The following NAV2 variants were observed in gnomAD, a reference collection of about 807,000 sequenced individuals.
The protein encoded by NAV2 is helicase, APC down-regulated 1.
In NAV2, 54 loss-of-function variants were observed where a neutral mutation model predicts 223.2. The ratio of observed to expected loss-of-function variants is 0.24; its 90% CI spans 0.19 to 0.30. The LOEUF is 0.30. Ranked by LOEUF, NAV2 falls within the 10% of genes least tolerant of loss-of-function variation. The pLI is 1.00. For missense variants in NAV2, 2,806 were observed against 3,147.5 expected (o/e 0.89, Z 2.60); for synonymous variants, 1,279 against 1,239.3 (o/e 1.03, Z -0.67).
intron 3 of NAV2, among the ~76,000 whole-genome samples, chr11:19,855,054 G>T (rs2061342904): frequency 6.6e-6 from 1 of 152,052 alleles, no homozygotes; most frequent in Admixed American, 6.6e-5. Context: ...ATGTTTAATA[G>T]CTGCGGCTTA....
At chr11:19,800,384 A>T (rs2058170074) in intron 1 of NAV2, among the ~76,000 whole-genome samples, 1 of 152,216 alleles carries the variant, frequency 6.6e-6, no homozygotes, top group Non-Finnish European at 1.5e-5. Flanking sequence ...TCCTGGGAAC[A>T]TGTATGGGCT....
chr11:19,821,949 C>T (rs542116677), intron 1 of NAV2, among the ~76,000 whole-genome samples: 3 of 152,330 alleles, frequency 2.0e-5, no homozygotes, highest in South Asian at 2.1e-4. Context: ...TCAAACCCCG[C>T]GTACTTGTCA....
At chr11:19,978,225 C>A (rs1201636025) in intron 10 of NAV2, among the ~76,000 whole-genome samples, 2 of 152,038 alleles carry the variant, frequency 1.3e-5, no homozygotes, top group Non-Finnish European at 2.9e-5. Flanking sequence ...TCTGTCTTCT[C>A]AGAGGCCCTA....
chr11:19,617,627 A>G (rs1480251403), intron 1 of NAV2, among the ~76,000 whole-genome samples: 2 of 152,222 alleles, frequency 1.3e-5, no homozygotes, highest in East Asian at 3.8e-4. Flanking sequence ...TAAGAAGTGC[A>G]TGGTAAAGTG....
intron 1 of NAV2, among the ~76,000 whole-genome samples, chr11:19,752,582 A>G (rs1449928715): frequency 6.6e-6 from 1 of 152,104 alleles, no homozygotes; most frequent in African/African-American, 2.4e-5. Flanking sequence ...TTTGTGACCC[A>G]TATTTTTAAA....
chr11:19,542,211 G>A (rs1004964518), intron 1 of NAV2, among the ~76,000 whole-genome samples: 1 of 152,158 alleles, frequency 6.6e-6, no homozygotes, highest in Non-Finnish European at 1.5e-5. Context: ...TGGCAAGTTT[G>A]ATCCCATATG....
intron 1 of NAV2, among the ~76,000 whole-genome samples, chr11:19,399,420 T>C (rs1045677545): frequency 1.1e-4 from 17 of 152,330 alleles, no homozygotes; most frequent in Non-Finnish European, 1.9e-4. Context: ...ACTCCTTAGC[T>C]GTCATATTTT....
In NAV2 at chr11:19,431,392, G is replaced by T. The variant is rs74440795; in HGVS notation, c.75+80365G>T. Among the ~76,000 whole-genome samples, 260 of 152,340 alleles carry T rather than the reference G, an allele frequency of 1.7e-3. 1 individual carries two copies. The highest frequency in any genetic ancestry group is 5.9e-3 in the African/African-American group (245 of 41,570). ...TGTGCCGCAGGAGGAGGTCCTGGGG[G>T]TGGGCAAGCATGCTATGCTGAGAAA... is the stretch of plus-strand genomic sequence containing the variant. On this transcript the variant is annotated intron_variant, in intron 1 of 37. Coordinates refer to the NAV2 transcript ENST00000360655.
At chr11:19,987,996 A>G (rs1276531363) in intron 11 of NAV2, among the ~76,000 whole-genome samples, 4 of 152,242 alleles carry the variant, frequency 2.6e-5, no homozygotes, top group African/African-American at 9.6e-5. Context: ...AGACTAGGCT[A>G]ACAGACAGTC....
chr11:20,067,425 A>G (rs1220019485), intron 20 of NAV2, among the ~76,000 whole-genome samples: 1 of 152,174 alleles, frequency 6.6e-6, no homozygotes, highest in Non-Finnish European at 1.5e-5. Context: ...TTAGATTAAC[A>G]ACAAAATTTT....
chr11:19,502,091 C>A (rs182960022), intron 1 of NAV2, among the ~76,000 whole-genome samples: 1,619 of 152,276 alleles, frequency 0.011, 14 homozygotes, highest in Non-Finnish European at 0.016. Context: ...GAATTCAGAT[C>A]ATCTCTATTA....
chr11:20,006,329 G>A (rs114438919), intron 11 of NAV2, among the ~76,000 whole-genome samples: 3,349 of 152,010 alleles, frequency 0.022, 108 homozygotes, highest in African/African-American at 0.077. Flanking sequence ...GGTAGCAGAG[G>A]CACCAAAGAT....
intron 1 of NAV2, among the ~76,000 whole-genome samples, chr11:19,699,730 T>G (rs2049454704): frequency 6.6e-6 from 1 of 152,140 alleles, no homozygotes; most frequent in African/African-American, 2.4e-5. Flanking sequence ...GTGAACCAAG[T>G]TAGTTAGGCA....
At chr11:19,729,418 G>T (rs146261024) in intron 1 of NAV2, among the ~76,000 whole-genome samples, 1 of 152,190 alleles carries the variant, frequency 6.6e-6, no homozygotes, top group East Asian at 1.9e-4. Flanking sequence ...ATCACACTGG[G>T]AATGTCAGCC....
intron 1 of NAV2, among the ~76,000 whole-genome samples, chr11:19,358,640 A>G (rs1233786535): frequency 6.6e-6 from 1 of 152,192 alleles, no homozygotes; most frequent in Non-Finnish European, 1.5e-5. Flanking sequence ...TTGTGAAGCC[A>G]TCATAGAGGT....
At chr11:19,716,825 A>C (rs898037986) in intron 1 of NAV2, among the ~76,000 whole-genome samples, 1 of 152,358 alleles carries the variant, frequency 6.6e-6, no homozygotes, top group South Asian at 2.1e-4. Context: ...ATCACTTTCT[A>C]TGTGCCAGGA....
intron 8 of NAV2, among the ~76,000 whole-genome samples, chr11:19,944,359 A>G (rs908338732): frequency 6.6e-6 from 1 of 152,126 alleles, no homozygotes; most frequent in African/African-American, 2.4e-5. Flanking sequence ...TTGCCCAGGG[A>G]ATGGAATACT....
At chr11:19,777,785 C>A in intron 1 of NAV2, 1 of 443,132 alleles carries the variant, frequency 2.3e-6, no homozygotes, top group Non-Finnish European at 4.6e-6. Flanking sequence ...TCCCTTCCAC[C>A]TACGAATTCC....
intron 11 of NAV2, among the ~76,000 whole-genome samples, chr11:20,030,541 C>T (rs1221622027): frequency 6.6e-6 from 1 of 152,156 alleles, no homozygotes; most frequent in Admixed American, 6.5e-5. Flanking sequence ...TTACACTTAC[C>T]TACAAAATTA....
Sources: allele counts gnomAD v4.1 joint callset (sites outside exome capture counted in the v4.1 genomes callset), GRCh38; gene constraint gnomAD v4.1.1; transcripts MANE v1.5; gene names NCBI Gene and HGNC (gene_info 2026-07-23, HGNC 2026-07-21).